Variants in FBXO25 observed in about 807,000 individuals in gnomAD.
The protein encoded by FBXO25 is F-box only protein 25.
A neutral mutation model predicts 51.9 loss-of-function variants in FBXO25; 45 were observed. That is an observed-to-expected ratio of 0.87 (90% confidence interval 0.68 to 1.11). FBXO25 has a LOEUF of 1.11. FBXO25 is among the 50% of genes most tolerant of loss of function. The pLI is 0.00. For synonymous variants in FBXO25, 199 were observed against 151.0 expected, an observed-to-expected ratio of 1.32 and a Z score of -2.33; for missense variants, 507 against 428.5, an observed-to-expected ratio of 1.18 and a Z score of -1.62.
chr8:414,554 A>G (rs1796680102), intron 2 of FBXO25, among the ~76,000 whole-genome samples: 5 of 151,974 alleles, frequency 3.3e-5, no homozygotes, highest in African/African-American at 9.7e-5. Context: ...TCCCTCATGT[A>G]TTCTTTTTCC....
chr8:445,862 A>T (rs1798707420), intron 5 of FBXO25, among the ~76,000 whole-genome samples: 1 of 152,084 alleles, frequency 6.6e-6, no homozygotes, highest in African/African-American at 2.4e-5. Flanking sequence ...CAAGAGTGAA[A>T]CTCCGTCTCA....
chr8:467,356 T>C (rs561697715), intron 9 of FBXO25, among the ~76,000 whole-genome samples: 19 of 152,344 alleles, frequency 1.2e-4, no homozygotes, highest in African/African-American at 3.1e-4. Context: ...AAATCTGTTA[T>C]AAAGTTTTAA....
chr8:459,543 T>G (rs1563095854), intron 8 of FBXO25, among the ~76,000 whole-genome samples: 1 of 151,908 alleles, frequency 6.6e-6, no homozygotes, highest in Non-Finnish European at 1.5e-5. Flanking sequence ...TAGGCTGGAG[T>G]GGATACAAGA....
At chr8:417,844 T>A (rs1357935526) in intron 2 of FBXO25, among the ~76,000 whole-genome samples, 2 of 152,260 alleles carry the variant, frequency 1.3e-5, no homozygotes, top group Non-Finnish European at 2.9e-5. Context: ...TATTTCCCAC[T>A]TTTCATTATT....
At chr8:468,551 C>T (rs1006475265) in intron 9 of FBXO25, among the ~76,000 whole-genome samples, 164 bp from the exon 10 acceptor site, 10 of 151,936 alleles carry the variant, frequency 6.6e-5, no homozygotes, top group Non-Finnish European at 1.2e-4. Flanking sequence ...GAATCGGCTG[C>T]GGCTGCCCTT....
chr8:453,722 A>C (rs1356374801), intron 7 of FBXO25, among the ~76,000 whole-genome samples: 1 of 152,160 alleles, frequency 6.6e-6, no homozygotes, highest in Admixed American at 6.5e-5. Flanking sequence ...TGGAAGTCCA[A>C]GCACACCGCC....
chr8:414,930 A>G (rs941633975), intron 2 of FBXO25, among the ~76,000 whole-genome samples: 9 of 152,226 alleles, frequency 5.9e-5, no homozygotes, highest in African/African-American at 2.2e-4. Flanking sequence ...CGTTCCTACC[A>G]AAATGGAAAT....
Position 440,446 on chromosome 8 carries a change from C to T in FBXO25, c.381+4739C>T, listed in dbSNP as rs1353398972. ...GATGGGCTGAAGGTCACAATGGAGT[C>T]AAGGACAGAGACCAAAAACGTAGCT... On this transcript the variant is annotated intron_variant, in intron 5 of 9. Coordinates refer to ENST00000350302, the MANE Select transcript of FBXO25 (RefSeq NM_183420.2). 2.0e-5 allele frequency among the ~76,000 whole-genome samples: 3 copies of T among 152,164 alleles called. No individual in the cohort carries two copies. In the East Asian group the frequency reaches 5.8e-4, roughly 29 times the overall value.
At chr8:437,418 G>A (rs1220513431) in intron 5 of FBXO25, among the ~76,000 whole-genome samples, 2 of 152,194 alleles carry the variant, frequency 1.3e-5, no homozygotes, top group Non-Finnish European at 2.9e-5. Context: ...GTGCATCTCT[G>A]TTGATTGCTG....
At chr8:412,596 T>G (rs1392671806) in intron 1 of FBXO25, among the ~76,000 whole-genome samples, 1 of 152,214 alleles carries the variant, frequency 6.6e-6, no homozygotes. Flanking sequence ...CCAACTCCTC[T>G]AACTTGATCC....
intron 9 of FBXO25, among the ~76,000 whole-genome samples, chr8:464,971 G>A (rs1434873854): frequency 6.6e-6 from 1 of 152,154 alleles, no homozygotes; most frequent in African/African-American, 2.4e-5. Context: ...TCTCGATTTG[G>A]TGAAGTCAGC....
intron 8 of FBXO25, among the ~76,000 whole-genome samples, chr8:462,255 G>C (rs1799862990): frequency 6.6e-6 from 1 of 152,168 alleles, no homozygotes; most frequent in South Asian, 2.1e-4. Context: ...CTTTTCATGA[G>C]GTTATCGTCC....
At position 473,331 on chromosome 8, in the gene FBXO25, G is replaced by C. The variant is rs1300551196; in HGVS notation, c.*4527G>C. 1.3e-5 allele frequency: 2 copies of C among 152,316 alleles called. No individual in the cohort carries two copies. The highest frequency in any genetic ancestry group is 4.8e-5 in the African/African-American group (2 of 41,456). 9.4% of individuals were successfully genotyped at this position (152,316 alleles called of 1,614,324 possible). On this transcript the variant is annotated 3_prime_UTR_variant, in exon 10 of 10. Coordinates refer to ENST00000350302, the MANE Select transcript of FBXO25 (RefSeq NM_183420.2). ...AAGCCCTGGCTCACAGCATGAGACAGTGTGTTCTAGGTGGTAACGTGGCAC... is the reference window on the plus strand; with the variant it reads ...AAGCCCTGGCTCACAGCATGAGACACTGTGTTCTAGGTGGTAACGTGGCAC...
At position 417,496 on chromosome 8, in the gene FBXO25, G is replaced by C. The variant is rs1198235059; in HGVS notation, c.134+4283G>C. 2.0e-5 allele frequency among the ~76,000 whole-genome samples: 3 copies of C among 152,334 alleles called. 1 individual carries two copies. Among genetic ancestry groups the C allele is most frequent in the Admixed American group, 2.0e-4 (3 of 15,298 alleles). On this transcript the variant is annotated intron_variant, in intron 2 of 9. Coordinates refer to ENST00000350302, the MANE Select transcript of FBXO25 (RefSeq NM_183420.2). ...GTGTATGGTGCAGTAAGAGGGTCGA[G>C]GGGTGAGACTAAGACTTTGGCCTGA...
intron 4 of FBXO25, among the ~76,000 whole-genome samples, chr8:434,164 C>T (rs1270466568): frequency 6.6e-6 from 1 of 152,150 alleles, no homozygotes; most frequent in Non-Finnish European, 1.5e-5. Flanking sequence ...CCCTGCACCA[C>T]GTCATGTCTC....
chr8:467,849 C>G (rs1275923557), intron 9 of FBXO25: 1 of 1,591,564 alleles, frequency 6.3e-7, no homozygotes, highest in African/African-American at 1.3e-5. Flanking sequence ...TCGATTCCAG[C>G]TCTCGCTGAC....
At position 431,208 on chromosome 8, in the gene FBXO25, T is replaced by C; in HGVS notation, c.135-133T>C. 5.9e-6 allele frequency: 3 copies of C among 510,120 alleles called. No homozygotes were observed. The South Asian group carries it at 8.9e-5, about 15-fold the overall frequency. The allele number at this position is 510,120 out of a possible 1,614,324, so 31.6% of individuals were successfully genotyped here. A position where few individuals can be genotyped will look rare whatever the true frequency, so the allele number is the denominator to read the frequency against. ...CTTATTTCTCAAAATGAAACAAAAA[T>C]GTATTAGACATTACCCTTGTGATTT... On this transcript the variant is annotated intron_variant, in intron 2 of 9. Transcript: ENST00000350302.
chr8:459,487 C>T (rs1438407086), intron 8 of FBXO25, among the ~76,000 whole-genome samples: 1 of 152,210 alleles, frequency 6.6e-6, no homozygotes, highest in African/African-American at 2.4e-5. Context: ...CAGCAAAGCA[C>T]ATGGAATTGC....
At chr8:418,005 T>G (rs891994645) in intron 2 of FBXO25, among the ~76,000 whole-genome samples, 2 of 152,256 alleles carry the variant, frequency 1.3e-5, no homozygotes, top group Admixed American at 6.5e-5. Context: ...ATACTCTGCA[T>G]AGTAGTGTAC....
Sources: allele counts gnomAD v4.1 joint callset (sites outside exome capture counted in the v4.1 genomes callset), GRCh38; gene constraint gnomAD v4.1.1; transcripts MANE v1.5; gene names NCBI Gene and HGNC (gene_info 2026-07-23, HGNC 2026-07-21).